Variants in NIM1K observed in about 807,000 individuals in gnomAD.
The protein encoded by NIM1K is serine/threonine-protein kinase NIM1.
In NIM1K, 35 loss-of-function variants were observed where a neutral mutation model predicts 37.1. The ratio of observed to expected loss-of-function variants is 0.94; its 90% confidence interval spans 0.72 to 1.25. NIM1K has a LOEUF of 1.25. NIM1K is among the 50% of genes most tolerant of loss of function. The pLI is 0.00. For synonymous variants in NIM1K, 234 were observed against 206.6 expected, an observed-to-expected ratio of 1.13 and a Z score of -1.14; for missense variants, 564 against 548.0, an observed-to-expected ratio of 1.03 and a Z score of -0.29.
At chr5:43,218,002 G>A (rs1438967402) in intron 1 of NIM1K, among the ~76,000 whole-genome samples, 5 of 151,576 alleles carry the variant, frequency 3.3e-5, no homozygotes, top group African/African-American at 9.7e-5. Context: ...GTGAGCCTCC[G>A]TGCCCAGACC....
chr5:43,254,899 T>C (rs1259812330), intron 2 of NIM1K, among the ~76,000 whole-genome samples: 2 of 152,186 alleles, frequency 1.3e-5, no homozygotes, highest in Non-Finnish European at 2.9e-5. Flanking sequence ...GATTCCCCCC[T>C]CTTGAATACA....
intron 1 of NIM1K, among the ~76,000 whole-genome samples, chr5:43,194,552 C>A (rs952041700): frequency 9.2e-5 from 14 of 151,866 alleles, no homozygotes; most frequent in Non-Finnish European, 1.6e-4. Context: ...GTTATAGAGC[C>A]CTTTATATTC....
intron 2 of NIM1K, among the ~76,000 whole-genome samples, chr5:43,253,417 T>C (rs931294181): frequency 1.3e-5 from 2 of 151,474 alleles, no homozygotes; most frequent in African/African-American, 2.4e-5. Context: ...GGTCTTGAGG[T>C]CTGAGGAGCA....
In NIM1K at chr5:43,217,746, G is replaced by A. The variant is rs553098050; in HGVS notation, c.-695+25335G>A. On this transcript the variant is annotated intron_variant, in intron 1 of 3. Transcript: ENST00000326035. ...TTTTTTTTTTTTGAGATGGAGTTTT[G>A]CTCTGTCACCCAGGCTGGAGTTCAG... Among the ~76,000 whole-genome samples the A allele has an allele frequency of 7.2e-3, 741 of 102,464 alleles. 2 individuals are homozygous for A. The highest frequency in any genetic ancestry group is 0.027 in the Middle Eastern group (3 of 112). 67.2% of individuals were successfully genotyped at this position (102,464 alleles called of 152,430 possible). A position where few individuals can be genotyped will look rare whatever the true frequency, so the allele number is the denominator to read the frequency against.
Position 43,280,489 on chromosome 5 carries a change from CA to C in NIM1K, c.1075del (p.Ser359AlafsTer3). On this transcript the variant is annotated frameshift_variant, in exon 4 of 4. Coordinates refer to ENST00000326035, the MANE Select transcript of NIM1K (RefSeq NM_153361.4). LOFTEE classifies it high-confidence loss of function. ...CTCTCAAGGAAGAAGAAAATGAGGT[CA>C]AAAGCACTTTAGAACATTTGGGCAT... ...STLKEEENEV[K>X]STLEHLGITE... 6.2e-7 allele frequency: 1 copy of C among 1,614,130 alleles called. No homozygotes were observed. The highest frequency in any genetic ancestry group is 8.5e-7 in the Non-Finnish European group (1 of 1,180,026).
chr5:43,227,133 G>A (rs1752469077), intron 1 of NIM1K, among the ~76,000 whole-genome samples: 2 of 152,204 alleles, frequency 1.3e-5, no homozygotes, highest in African/African-American at 4.8e-5. Context: ...GGCCGAGGAA[G>A]GCGGATCACC....
rs1472471217 is a variant in NIM1K at position 43,245,915 on chromosome 5, C to G, written c.140C>G (p.Pro47Arg). 1.1e-5 allele frequency: 18 copies of G among 1,613,938 alleles called. No individual in the cohort carries two copies. The highest frequency in any genetic ancestry group is 1.5e-5 in the Non-Finnish European group (18 of 1,180,024). The change falls in exon 2 of 4, where the codon CCC becomes CGC. Residue 47 changes from proline (P) to arginine (R), a missense_variant. Coordinates refer to ENST00000326035, the MANE Select transcript of NIM1K (RefSeq NM_153361.4). ...GEEGQPRQLT[P>R]FEKLTQDMSQ... The stretch of plus-strand genomic sequence containing the variant: ...GAGGGACAGCCCCGCCAGCTGACGC[C>G]CTTCGAGAAACTGACACAGGACATG...
chr5:43,200,579 C>T (rs1752003054), intron 1 of NIM1K, among the ~76,000 whole-genome samples: 1 of 152,162 alleles, frequency 6.6e-6, no homozygotes, highest in African/African-American at 2.4e-5. Context: ...AGATTACAGG[C>T]GTGAGCCACT....
Position 43,279,957 on chromosome 5 carries a change from TTTCTC to T in NIM1K, c.562-21_562-17del, listed in dbSNP as rs1479820203. The T allele has an allele frequency of 1.3e-6, 2 of 1,582,924 alleles. No homozygotes were observed. Among genetic ancestry groups the T allele is most frequent in the Non-Finnish European group, 1.7e-6 (2 of 1,159,546 alleles). On this transcript the variant is annotated intron_variant, in intron 3 of 3. Transcript: ENST00000326035. ...TTGACATTTTACTGTAAAAATGACTTTTCTCTATGTCTTCTTCCACAGCATGAAAA... is the reference window on the plus strand; with the variant it reads ...TTGACATTTTACTGTAAAAATGACTTTATGTCTTCTTCCACAGCATGAAAA...
intron 2 of NIM1K, among the ~76,000 whole-genome samples, chr5:43,259,560 G>T (rs1752997541): frequency 6.6e-6 from 1 of 152,054 alleles, no homozygotes; most frequent in African/African-American, 2.4e-5. Context: ...CCATATGTTT[G>T]TTGGCCATTT....
chr5:43,240,545 C>CTA (rs1752685111), intron 1 of NIM1K, among the ~76,000 whole-genome samples: 1 of 136,762 alleles, frequency 7.3e-6, no homozygotes, highest in East Asian at 2.3e-4. Context: ...CTTTCTTACA[C>CTA]TTTTTTTTTT....
At position 43,277,225 on chromosome 5, in the gene NIM1K, G is replaced by T. The variant is rs374872461; in HGVS notation, c.461G>T (p.Gly154Val). Residue 154 changes from glycine to valine, a missense_variant, in exon 3 of 4, where the codon GGG becomes GTG. Physicochemically the swap from Gly to Val is moderately radical, Grantham distance 109. Transcript: ENST00000326035. ...SKLHLVMEYA[G>V]GGELFGKIST... ...CTGCACTTGGTGATGGAGTATGCAGGGGGTGGGGAGCTCTTCGGAAAAATT... is the reference window on the plus strand; with the variant it reads ...CTGCACTTGGTGATGGAGTATGCAGTGGGTGGGGAGCTCTTCGGAAAAATT... 105 of 1,613,932 alleles carry T rather than the reference G, an allele frequency of 6.5e-5. No individual in the cohort carries two copies. The highest frequency in any genetic ancestry group is 1.6e-4 in the Middle Eastern group (1 of 6,082).
chr5:43,246,587 G>A, intron 2 of NIM1K, among the ~76,000 whole-genome samples: 2 of 152,190 alleles, frequency 1.3e-5, no homozygotes, highest in Non-Finnish European at 2.9e-5. Flanking sequence ...GCAGTGTCCA[G>A]TTTCCCTTCC....
rs1162162839 is a variant in NIM1K, at chr5:43,233,114, A to G, written c.-694-11968A>G. 4 of 1,345,828 alleles carry G rather than the reference A, an allele frequency of 3.0e-6. No individual in the cohort carries two copies. The African/African-American group carries it at 4.3e-5, about 14-fold the overall frequency. 83.4% of individuals were successfully genotyped at this position (1,345,828 alleles called of 1,614,324 possible). On this transcript the variant is annotated intron_variant, in intron 1 of 3. Transcript: ENST00000326035. ...CCATGTTCCAGGCAGTAGGGCTCCC[A>G]GCAGGCATTGCCAACCTGGACACCA...
intron 2 of NIM1K, among the ~76,000 whole-genome samples, chr5:43,272,395 T>G (rs1380351252): frequency 6.6e-6 from 1 of 152,104 alleles, no homozygotes; most frequent in African/African-American, 2.4e-5. Flanking sequence ...CCACTGTACC[T>G]GATATTTTCT....
At chr5:43,278,783 G>T (rs1219144496) in intron 3 of NIM1K, among the ~76,000 whole-genome samples, 1 of 152,176 alleles carries the variant, frequency 6.6e-6, no homozygotes, top group Non-Finnish European at 1.5e-5. Flanking sequence ...CTGTGGCCTA[G>T]AGGGCCCAAA....
intron 2 of NIM1K, among the ~76,000 whole-genome samples, chr5:43,246,796 A>G (rs1752785130): frequency 6.6e-6 from 1 of 152,006 alleles, no homozygotes; most frequent in Non-Finnish European, 1.5e-5. Flanking sequence ...AGAGCCCAGC[A>G]CCCTTCTGCT....
chr5:43,257,564 G>T (rs1390537739), intron 2 of NIM1K, among the ~76,000 whole-genome samples: 1 of 151,682 alleles, frequency 6.6e-6, no homozygotes, highest in Non-Finnish European at 1.5e-5. Flanking sequence ...TGTTAGCCAG[G>T]GTAGTCTCGA....
In NIM1K at chr5:43,231,631, C is replaced by A. The variant is rs181876982; in HGVS notation, c.-694-13451C>A. Among the ~76,000 whole-genome samples, 713 of 152,124 alleles carry A rather than the reference C, an allele frequency of 4.7e-3. 8 individuals carry two copies. The highest frequency in any genetic ancestry group is 6.3e-3 in the Non-Finnish European group (431 of 67,998). The stretch of plus-strand genomic sequence containing the variant: ...TTTATTATTATTATTGTTTTTAAAA[C>A]CCATCACAGAAATGGACAGTCTGGG... On this transcript the variant is annotated intron_variant, in intron 1 of 3. Transcript: ENST00000326035.
Sources: allele counts gnomAD v4.1 joint callset (sites outside exome capture counted in the v4.1 genomes callset), GRCh38; gene constraint gnomAD v4.1.1; transcripts MANE v1.5; gene names NCBI Gene and HGNC (gene_info 2026-07-23, HGNC 2026-07-21).